The following DTWD1 variants were observed in gnomAD, a reference collection of about 807,000 sequenced individuals.
DTWD1 encodes tRNA-uridine aminocarboxypropyltransferase 1.
DTWD1 carries 27 observed loss-of-function variants against 30.2 expected under a neutral mutation model. That is an observed-to-expected ratio of 0.90 (90% CI 0.66 to 1.23). The LOEUF is 1.23. Ranked by LOEUF, DTWD1 falls within the 50% of genes most tolerant of loss-of-function variation. The pLI, the probability that DTWD1 is intolerant of heterozygous loss-of-function variation, is 0.00. For synonymous variants in DTWD1, 99 were observed against 113.1 expected (o/e 0.88, Z 0.79); for missense variants, 342 against 348.8 (o/e 0.98, Z 0.15).
Position 49,634,621 on chromosome 15 carries a change from G to T in DTWD1, c.494G>T (p.Arg165Ile). ...CAAAAAAGGATTCAAAATAATGTTA[G>T]AGGCAAAAATGATGACCCTGACAAG... is the stretch of plus-strand genomic sequence containing the variant. ...HLQKRIQNNVRGKNDDPDKPS... is the reference protein window; with the variant it reads ...HLQKRIQNNVIGKNDDPDKPS... The change falls in exon 4 of 5, where the codon AGA becomes ATA. Residue 165 changes from arginine (R) to isoleucine (I), a missense_variant. Physicochemically the swap from Arg to Ile is moderately conservative, Grantham distance 97. Coordinates refer to ENST00000403028, the MANE Select transcript of DTWD1 (RefSeq NM_001144955.2). The T allele has an allele frequency of 4.3e-6, 7 of 1,613,778 alleles. No individual in the cohort carries two copies. The highest frequency in any genetic ancestry group is 1.3e-5 in the African/African-American group (1 of 75,000).
intron 2 of DTWD1, 54 bp downstream of exon 2, chr15:49,625,485 T>A: frequency 6.9e-7 from 1 of 1,448,802 alleles, no homozygotes; most frequent in Non-Finnish European, 9.5e-7. Flanking sequence ...TTTAAAAACA[T>A]CTCATGTATA....
In DTWD1 at chr15:49,625,388, T is replaced by C; in HGVS notation, c.221T>C (p.Val74Ala). ...ATGTTCTACTGCTATACATGTTATG[T>C]TCCAGTTGAAAATGTACCTATTGAA... is the stretch of plus-strand genomic sequence containing the variant. ...SRMFYCYTCYVPVENVPIEQI... is the reference protein window; with the variant it reads ...SRMFYCYTCYAPVENVPIEQI... The change falls in exon 2 of 5, where the codon GTT becomes GCT. Residue 74 changes from valine (V) to alanine (A), a missense_variant. By Grantham distance (64) the Val-to-Ala change is moderately conservative. Transcript: ENST00000403028. 6.2e-7 allele frequency: 1 copy of C among 1,613,784 alleles called. No individual in the cohort carries two copies. Among genetic ancestry groups the C allele is most frequent in the East Asian group, 2.2e-5 (1 of 44,810 alleles).
rs1051957725 is a variant in DTWD1 at position 49,645,707 on chromosome 15, A to G, written c.*2129A>G. On this transcript the variant is annotated 3_prime_UTR_variant, in exon 5 of 5. Coordinates refer to ENST00000403028, the MANE Select transcript of DTWD1 (RefSeq NM_001144955.2). ...GCGAGAGACAGAGAACAATTCTATCACTCATTTGCCTCCATCTCTCAGCTG... is the reference window on the plus strand; with the variant it reads ...GCGAGAGACAGAGAACAATTCTATCGCTCATTTGCCTCCATCTCTCAGCTG... 6.6e-6 allele frequency: 1 copy of G among 152,000 alleles called. No homozygotes were observed. Among genetic ancestry groups the G allele is most frequent in the African/African-American group, 2.4e-5 (1 of 41,408 alleles). 9.4% of individuals were successfully genotyped at this position (152,000 alleles called of 1,614,324 possible). A position where few individuals can be genotyped will look rare whatever the true frequency, so the allele number is the denominator to read the frequency against.
rs183509449 is a variant in DTWD1, at chr15:49,635,696, A to G, written c.667+902A>G. Among the ~76,000 whole-genome samples the G allele has an allele frequency of 2.3e-4, 33 of 146,270 alleles. 1 individual carries two copies. The highest frequency in any genetic ancestry group is 2.1e-3 in the Admixed American group (31 of 14,762). The stretch of plus-strand genomic sequence containing the variant: ...TTTTCATAGAGACGGGTTTCACCAT[A>G]TTGGCCAGGCTGGTCTCTAACTCCT... On this transcript the variant is annotated intron_variant, in intron 4 of 4. Coordinates refer to ENST00000403028, the MANE Select transcript of DTWD1 (RefSeq NM_001144955.2).
chr15:49,633,043 C>CTATATATATA (rs368196512), intron 3 of DTWD1, among the ~76,000 whole-genome samples: 1 of 129,492 alleles, frequency 7.7e-6, no homozygotes, highest in Admixed American at 7.8e-5. Context: ...CTATTTATAT[C>CTATATATATA]TATATCTATA....
At chr15:49,639,941 A>G (rs1426991806) in intron 4 of DTWD1, among the ~76,000 whole-genome samples, 5 of 152,122 alleles carry the variant, frequency 3.3e-5, no homozygotes, top group Non-Finnish European at 5.9e-5. Flanking sequence ...ACTGTTTTAT[A>G]TTTTTAAATA....
intron 2 of DTWD1, chr15:49,630,928 C>A: frequency 2.4e-6 from 1 of 411,628 alleles, no homozygotes; most frequent in Admixed American, 2.5e-5. Context: ...ACTGTGCATA[C>A]AAGGGACCTA....
chr15:49,623,541 G>C (rs1012761644), intron 1 of DTWD1: 7 of 151,994 alleles, frequency 4.6e-5, no homozygotes, highest in African/African-American at 1.7e-4. Context: ...AGTATTATAG[G>C]CATGAGCCAC....
intron 3 of DTWD1, among the ~76,000 whole-genome samples, chr15:49,633,049 C>CTATATCTATATCTATCTATCTATCTA (rs774517463): frequency 2.6e-5 from 3 of 117,316 alleles, no homozygotes; most frequent in African/African-American, 1.0e-4. Flanking sequence ...ATATCTATAT[C>CTATATCTATATCTATCTATCTATCTA]TATATATATA....
chr15:49,634,960 A>G (rs369358366), intron 4 of DTWD1, among the ~76,000 whole-genome samples, 166 bp downstream of exon 4: 12 of 152,170 alleles, frequency 7.9e-5, no homozygotes, highest in East Asian at 7.7e-4. Flanking sequence ...GTATTTATAT[A>G]TTATATATTT....
chr15:49,631,003 G>A (rs1306991051), intron 2 of DTWD1: 2 of 444,400 alleles, frequency 4.5e-6, no homozygotes, highest in Non-Finnish European at 4.6e-6. Context: ...TGTCCTAGAT[G>A]GGACCATCAA....
chr15:49,629,011 AGT>A lies in DTWD1; in HGVS notation c.265-3142_265-3141del, dbSNP rs543116804. ...AGCTCCCCACCCCCAGACGGGCTCC[AGT>A]GTGTGATGTTCCCCTCCCTGTGTCC... On this transcript the variant is annotated intron_variant, in intron 2 of 4. Transcript: ENST00000403028. Among the ~76,000 whole-genome samples, 5 of 152,036 alleles carry A rather than the reference AGT, an allele frequency of 3.3e-5. No individual in the cohort carries two copies. In the South Asian group the frequency reaches 1.0e-3, roughly 32 times the overall value.
In DTWD1 at chr15:49,650,413, AGAT is replaced by A. The variant is rs2079146302; in HGVS notation, c.*6839_*6841del. 6.6e-6 allele frequency: 1 copy of A among 152,184 alleles called. No individual in the cohort carries two copies. The highest frequency in any genetic ancestry group is 1.5e-5 in the Non-Finnish European group (1 of 68,028). The allele number at this position is 152,184 out of a possible 1,614,324, so 9.4% of individuals were successfully genotyped here. ...ATGCTATTTCAGTAGTCCATTTGAG[AGAT>A]GATATTTGCCTGGACAAGGGTTGTG... On this transcript the variant is annotated 3_prime_UTR_variant, in exon 5 of 5. Coordinates refer to ENST00000403028, the MANE Select transcript of DTWD1 (RefSeq NM_001144955.2).
rs1354562560 is a variant in DTWD1, at chr15:49,651,540, G to A, written c.*7962G>A. 6.6e-6 allele frequency: 1 copy of A among 152,122 alleles called. No individual in the cohort carries two copies. Among genetic ancestry groups the A allele is most frequent in the East Asian group, 1.9e-4 (1 of 5,168 alleles). 9.4% of individuals were successfully genotyped at this position (152,122 alleles called of 1,614,324 possible). A position where few individuals can be genotyped will look rare whatever the true frequency, so the allele number is the denominator to read the frequency against. The stretch of plus-strand genomic sequence containing the variant: ...ACTTACCAAGGCTGCCTTAGCTGCT[G>A]CTGCTGTTGAATGTCCAACCTACAA... On this transcript the variant is annotated 3_prime_UTR_variant, in exon 5 of 5. Transcript: ENST00000403028.
intron 2 of DTWD1, chr15:49,629,510 T>C (rs2078890094): frequency 6.6e-6 from 1 of 152,220 alleles, no homozygotes; most frequent in Non-Finnish European, 1.5e-5. Flanking sequence ...TTCACATTTA[T>C]GATCTGCTTT....
intron 2 of DTWD1, chr15:49,630,714 A>G (rs905387719): frequency 6.6e-6 from 1 of 152,410 alleles, no homozygotes; most frequent in Non-Finnish European, 1.5e-5. Context: ...CTTAGGCAAC[A>G]GGGGTCCCCA....
At chr15:49,623,448 G>C (rs1487011625) in intron 1 of DTWD1, among the ~76,000 whole-genome samples, 1 of 151,296 alleles carries the variant, frequency 6.6e-6, no homozygotes, top group Non-Finnish European at 1.5e-5. Context: ...CTCTGTTTTA[G>C]AGATGGGATC....
chr15:49,625,959 A>G (rs1337077303), intron 2 of DTWD1, among the ~76,000 whole-genome samples: 1 of 152,130 alleles, frequency 6.6e-6, no homozygotes, highest in Non-Finnish European at 1.5e-5. Context: ...ACATCACACA[A>G]TTAAACATTT....
chr15:49,629,064 C>T (rs895258037), intron 2 of DTWD1, among the ~76,000 whole-genome samples: 1 of 152,108 alleles, frequency 6.6e-6, no homozygotes, highest in South Asian at 2.1e-4. Context: ...TCAACTCCCA[C>T]TTATGAGTGA....
Sources: gnomAD v4.1 joint callset for allele counts (sites outside exome capture counted in the v4.1 genomes callset) on GRCh38, gnomAD v4.1.1 for gene constraint, MANE v1.5 for transcripts, NCBI Gene and HGNC (gene_info 2026-07-23, HGNC 2026-07-21) for gene names.